Variants in SLC24A3 observed in about 807,000 individuals in gnomAD.
The protein encoded by SLC24A3 is solute carrier family 24 member 3.
Under a neutral mutation model 75.8 loss-of-function variants are expected in SLC24A3, and 28 were observed. The ratio of observed to expected loss-of-function variants is 0.37; its 90% CI spans 0.27 to 0.51. The LOEUF (loss-of-function observed/expected upper bound fraction) is 0.51. Among genes scored for constraint, SLC24A3 ranks in the 20% least tolerant of loss-of-function variants. SLC24A3 has a pLI of 0.94. For synonymous variants in SLC24A3, 372 were observed against 334.1 expected, an observed-to-expected ratio of 1.11 and a Z score of -1.24; for missense variants, 663 against 847.8, an observed-to-expected ratio of 0.78 and a Z score of 2.71.
intron 2 of SLC24A3, among the ~76,000 whole-genome samples, chr20:19,375,420 A>C (rs2122363122): frequency 6.6e-6 from 1 of 152,210 alleles, no homozygotes; most frequent in East Asian, 1.9e-4. Context: ...ACGGATCAGC[A>C]CTGTGTTTCT....
intron 2 of SLC24A3, among the ~76,000 whole-genome samples, chr20:19,411,884 T>G (rs775422214): frequency 6.6e-6 from 1 of 152,196 alleles, no homozygotes; most frequent in Non-Finnish European, 1.5e-5. Context: ...TTTGGTGAAC[T>G]TCCTTTGTGT....
intron 2 of SLC24A3, among the ~76,000 whole-genome samples, chr20:19,499,665 G>A (rs1271988936): frequency 6.6e-6 from 1 of 152,108 alleles, no homozygotes; most frequent in African/African-American, 2.4e-5. Context: ...AGACCCCATC[G>A]CACTGGGGAT....
At chr20:19,615,565 A>G (rs887053648) in intron 6 of SLC24A3, among the ~76,000 whole-genome samples, 33 of 152,130 alleles carry the variant, frequency 2.2e-4, no homozygotes, top group African/African-American at 7.7e-4. Flanking sequence ...AAACAACCAG[A>G]TCTCTAAAAA....
intron 3 of SLC24A3, among the ~76,000 whole-genome samples, chr20:19,572,820 C>T (rs2031074186): frequency 6.6e-6 from 1 of 152,126 alleles, no homozygotes; most frequent in African/African-American, 2.4e-5. Context: ...CTACAGCAGA[C>T]CCATGGTCAG....
intron 6 of SLC24A3, among the ~76,000 whole-genome samples, chr20:19,642,653 A>G (rs1247343884): frequency 6.6e-6 from 1 of 152,174 alleles, no homozygotes; most frequent in African/African-American, 2.4e-5. Flanking sequence ...GATCCTGTGA[A>G]CAGCTAAGGT....
At chr20:19,252,666 A>C (rs1293260336) in intron 1 of SLC24A3, among the ~76,000 whole-genome samples, 1 of 148,110 alleles carries the variant, frequency 6.8e-6, no homozygotes, top group Non-Finnish European at 1.5e-5. Flanking sequence ...CTGTTCCAGA[A>C]ACTCCTTGCA....
At chr20:19,634,193 CT>C (rs2031971763) in intron 6 of SLC24A3, among the ~76,000 whole-genome samples, 1 of 152,134 alleles carries the variant, frequency 6.6e-6, no homozygotes, top group African/African-American at 2.4e-5. Context: ...GGGAAGCTGC[CT>C]ATCTCTTTGA....
intron 6 of SLC24A3, among the ~76,000 whole-genome samples, chr20:19,586,672 G>A (rs535900889): frequency 3.9e-5 from 6 of 152,260 alleles, no homozygotes; most frequent in South Asian, 4.1e-4. Context: ...TTTTACTTCC[G>A]TCATCTTCGT....
Position 19,225,452 on chromosome 20 carries a change from A to G in SLC24A3, c.142+12468A>G, listed in dbSNP as rs188717863. Among the ~76,000 whole-genome samples the G allele has an allele frequency of 5.3e-5, 8 of 152,316 alleles. No individual in the cohort carries two copies. The East Asian group carries it at 1.2e-3, about 22-fold the overall frequency. Reference sequence around the variant, plus strand: ...TCCGGTATTTTCCAAGCATTGTGGAATATTTCTTCCCTTACATATGTTAAA... The same window carrying G: ...TCCGGTATTTTCCAAGCATTGTGGAGTATTTCTTCCCTTACATATGTTAAA... On this transcript the variant is annotated intron_variant, in intron 1 of 16. Coordinates refer to ENST00000328041, the MANE Select transcript of SLC24A3 (RefSeq NM_020689.4).
intron 2 of SLC24A3, among the ~76,000 whole-genome samples, chr20:19,352,887 A>C (rs1289242940): frequency 6.6e-6 from 1 of 152,246 alleles, no homozygotes; most frequent in East Asian, 1.9e-4. Flanking sequence ...TGGTGGTCCC[A>C]TAAGATTATA....
chr20:19,609,193 A>G (rs2031639493), intron 6 of SLC24A3, among the ~76,000 whole-genome samples: 1 of 152,202 alleles, frequency 6.6e-6, no homozygotes, highest in Admixed American at 6.5e-5. Context: ...ATGACCATGC[A>G]GGAAAATGAA....
Position 19,654,719 on chromosome 20 carries a change from C to T in SLC24A3, c.687+583C>T, listed in dbSNP as rs192958420. On this transcript the variant is annotated intron_variant, in intron 7 of 16. Transcript: ENST00000328041. ...CAGGAGTGCAGTGGAGTGATCTTGG[C>T]TCACTGCAAGCTCCGCCTCCCGGGT... Among the ~76,000 whole-genome samples the T allele has an allele frequency of 8.5e-5, 12 of 141,236 alleles. No individual in the cohort carries two copies. In the East Asian group the frequency reaches 2.6e-3, roughly 31 times the overall value. 92.7% of individuals were successfully genotyped at this position (141,236 alleles called of 152,430 possible). A position where few individuals can be genotyped will look rare whatever the true frequency, so the allele number is the denominator to read the frequency against.
intron 2 of SLC24A3, among the ~76,000 whole-genome samples, chr20:19,463,521 C>G (rs1475393860): frequency 6.6e-6 from 1 of 152,178 alleles, no homozygotes; most frequent in East Asian, 1.9e-4. Context: ...CAAGACAGGT[C>G]CCCGAGTGAA....
At chr20:19,511,356 C>T (rs1988534201) in intron 2 of SLC24A3, among the ~76,000 whole-genome samples, 1 of 143,288 alleles carries the variant, frequency 7.0e-6, no homozygotes. Context: ...GAGATGGAGT[C>T]TCGCTCTGTC....
chr20:19,517,029 G>A (rs1471437871), intron 3 of SLC24A3, among the ~76,000 whole-genome samples: 1 of 152,170 alleles, frequency 6.6e-6, no homozygotes, highest in East Asian at 1.9e-4. Context: ...TCCCAAAAAA[G>A]GGAGCATGAA....
intron 1 of SLC24A3, among the ~76,000 whole-genome samples, chr20:19,275,808 A>G (rs1983468465): frequency 6.6e-6 from 1 of 152,148 alleles, no homozygotes; most frequent in East Asian, 1.9e-4. Flanking sequence ...ATCCCGTGCT[A>G]TCCCCATGGC....
chr20:19,388,775 A>G (rs148337973), intron 2 of SLC24A3, among the ~76,000 whole-genome samples: 1 of 152,238 alleles, frequency 6.6e-6, no homozygotes, highest in East Asian at 1.9e-4. Flanking sequence ...TGTTCTTAAA[A>G]CTAAAGTGAA....
At chr20:19,326,551 A>G (rs926833321) in intron 2 of SLC24A3, among the ~76,000 whole-genome samples, 1 of 150,246 alleles carries the variant, frequency 6.7e-6, no homozygotes, top group African/African-American at 2.4e-5. Flanking sequence ...TTTCTAGCAC[A>G]TTCAGTTTTT....
intron 6 of SLC24A3, among the ~76,000 whole-genome samples, chr20:19,598,729 C>T (rs535944652): frequency 5.3e-5 from 8 of 152,204 alleles, no homozygotes; most frequent in African/African-American, 1.9e-4. Flanking sequence ...AACCCCTGCC[C>T]TTCGTCATTT....
Sources: gnomAD v4.1 joint callset for allele counts (sites outside exome capture counted in the v4.1 genomes callset) on GRCh38, gnomAD v4.1.1 for gene constraint, MANE v1.5 for transcripts, NCBI Gene and HGNC (gene_info 2026-07-23, HGNC 2026-07-21) for gene names.